Variants in AP3S1 observed in about 807,000 individuals in gnomAD.
AP3S1 encodes AP-3 complex subunit sigma-1.
AP3S1 carries 12 observed loss-of-function variants against 21.3 expected under a neutral mutation model. The observed-to-expected ratio is 0.56, with a 90% CI of 0.36 to 0.91. The LOEUF is 0.91. AP3S1 is among the 40% of genes least tolerant of loss of function. The pLI, the probability that AP3S1 is intolerant of heterozygous loss-of-function variation, is 0.01. For synonymous variants in AP3S1, 48 were observed against 78.4 expected (o/e 0.61, Z 2.05); for missense variants, 116 against 225.0 (o/e 0.52, Z 3.10).
chr5:115,876,084 G>A (rs1748688982), intron 3 of AP3S1, among the ~76,000 whole-genome samples: 2 of 152,140 alleles, frequency 1.3e-5, no homozygotes, highest in Non-Finnish European at 2.9e-5. Context: ...GAGTCAGGTA[G>A]TATGGATTTG....
chr5:115,858,864 C>G (rs1368863486), intron 1 of AP3S1, among the ~76,000 whole-genome samples: 1 of 150,178 alleles, frequency 6.7e-6, no homozygotes, highest in Non-Finnish European at 1.5e-5. Flanking sequence ...AAATTTTCTT[C>G]TTTTTACTTG....
chr5:115,895,029 A>T, intron 3 of AP3S1, 58 bp from the exon 4 acceptor site: 1 of 1,176,632 alleles, frequency 8.5e-7, no homozygotes, highest in East Asian at 2.5e-5. Flanking sequence ...CCTTCCTTAT[A>T]GATAATAGTT....
intron 1 of AP3S1, among the ~76,000 whole-genome samples, chr5:115,843,902 G>A (rs1032621430): frequency 1.3e-5 from 2 of 152,210 alleles, no homozygotes; most frequent in African/African-American, 4.8e-5. Context: ...GTTAATGTGG[G>A]AAGTGGCAGT....
At position 115,913,763 on chromosome 5, in the gene AP3S1, T is replaced by C. The variant is rs1752296548; in HGVS notation, c.*273T>C. Reference sequence around the variant, plus strand: ...TGCCCACCTACGGCATGCCTCTATGTATTGGCTACTACAGTGTTTTAAAAA... The same window carrying C: ...TGCCCACCTACGGCATGCCTCTATGCATTGGCTACTACAGTGTTTTAAAAA... On this transcript the variant is annotated 3_prime_UTR_variant, in exon 6 of 6. Coordinates refer to ENST00000316788, the MANE Select transcript of AP3S1 (RefSeq NM_001284.4). The C allele has an allele frequency of 2.3e-6, 1 of 432,136 alleles. No individual in the cohort carries two copies. The highest frequency in any genetic ancestry group is 2.0e-5 in the African/African-American group (1 of 50,076). 26.8% of individuals were successfully genotyped at this position (432,136 alleles called of 1,614,324 possible).
intron 5 of AP3S1, chr5:115,909,138 G>A (rs1375310565): frequency 7.0e-6 from 2 of 284,856 alleles, no homozygotes; most frequent in Non-Finnish European, 5.3e-6. Flanking sequence ...TTATGTCTTA[G>A]ATGAAATAAA....
chr5:115,853,060 A>G (rs1473989867), intron 1 of AP3S1: 1 of 452,378 alleles, frequency 2.2e-6, no homozygotes, highest in Admixed American at 2.4e-5. Context: ...ACTATATTCT[A>G]AAGTGACTGT....
chr5:115,887,602 GTTTTC>G (rs1320258679), intron 3 of AP3S1, among the ~76,000 whole-genome samples: 1 of 151,930 alleles, frequency 6.6e-6, no homozygotes. Context: ...TATATTGAGT[GTTTTC>G]TTTTGTGAGA....
intron 5 of AP3S1, among the ~76,000 whole-genome samples, chr5:115,908,478 T>C (rs553661120): frequency 1.2e-4 from 18 of 152,286 alleles, no homozygotes; most frequent in African/African-American, 4.3e-4. Flanking sequence ...TACACATTTG[T>C]CTTGTACTTC....
intron 5 of AP3S1, chr5:115,903,305 T>C (rs1249092175): frequency 5.8e-6 from 1 of 173,586 alleles, no homozygotes; most frequent in Non-Finnish European, 1.2e-5. Flanking sequence ...AAAACTTCAG[T>C]CGGTAATTAT....
At chr5:115,879,124 A>G (rs182276166) in intron 3 of AP3S1, among the ~76,000 whole-genome samples, 2 of 152,306 alleles carry the variant, frequency 1.3e-5, no homozygotes, top group East Asian at 3.9e-4. Flanking sequence ...TTCTAAATAT[A>G]CAATCATGTC....
intron 1 of AP3S1, among the ~76,000 whole-genome samples, chr5:115,856,419 A>G (rs1762803887): frequency 6.7e-6 from 1 of 148,610 alleles, no homozygotes; most frequent in Non-Finnish European, 1.5e-5. Context: ...AAGCTAGTTA[A>G]TACATCCAGC....
At chr5:115,871,847 A>G (rs577657676) in intron 3 of AP3S1, among the ~76,000 whole-genome samples, 2 of 152,144 alleles carry the variant, frequency 1.3e-5, no homozygotes, top group Non-Finnish European at 2.9e-5. Flanking sequence ...CTCCTAAAAT[A>G]TCTAGCACTT....
chr5:115,848,807 C>T (rs1002300544), intron 1 of AP3S1, among the ~76,000 whole-genome samples: 3 of 152,170 alleles, frequency 2.0e-5, no homozygotes, highest in Non-Finnish European at 4.4e-5. Context: ...CACCCATCTG[C>T]CTTTTCAGCT....
intron 1 of AP3S1, among the ~76,000 whole-genome samples, 163 bp from the exon 2 acceptor site, chr5:115,866,507 C>A (rs895393181): frequency 1.3e-5 from 2 of 151,828 alleles, no homozygotes; most frequent in African/African-American, 4.8e-5. Context: ...TCAAAAAATA[C>A]TGGGTTTTGC....
chr5:115,851,162 T>C (rs954437520), intron 1 of AP3S1, among the ~76,000 whole-genome samples: 2 of 152,224 alleles, frequency 1.3e-5, no homozygotes, highest in Non-Finnish European at 2.9e-5. Context: ...GGCCAGATCA[T>C]TTAAAAGGAC....
At chr5:115,882,059 A>G (rs1174833186) in intron 3 of AP3S1, among the ~76,000 whole-genome samples, 2 of 151,756 alleles carry the variant, frequency 1.3e-5, no homozygotes, top group Non-Finnish European at 2.9e-5. Flanking sequence ...CAGGTCATTT[A>G]TGTTCCTCTC....
chr5:115,863,270 G>A lies in AP3S1; in HGVS notation c.70-3400G>A, dbSNP rs566012016. Reference sequence around the variant, plus strand: ...AAATTAGCTGGGCATGGTGGTGGGCGCCTGTAATCCCAGCTACTTGGGAGG... The same window carrying A: ...AAATTAGCTGGGCATGGTGGTGGGCACCTGTAATCCCAGCTACTTGGGAGG... On this transcript the variant is annotated intron_variant, in intron 1 of 5. Transcript: ENST00000316788. Among the ~76,000 whole-genome samples the A allele has an allele frequency of 1.1e-4, 17 of 151,926 alleles. No individual in the cohort carries two copies. The South Asian group carries it at 3.1e-3, about 28-fold the overall frequency.
intron 5 of AP3S1, among the ~76,000 whole-genome samples, chr5:115,913,023 A>C (rs564984190): frequency 2.2e-4 from 33 of 152,284 alleles, no homozygotes; most frequent in South Asian, 1.7e-3. Flanking sequence ...AAGGAAACTA[A>C]TGTAAATCAT....
At chr5:115,864,610 C>T (rs1047684605) in intron 1 of AP3S1, among the ~76,000 whole-genome samples, 4 of 152,140 alleles carry the variant, frequency 2.6e-5, no homozygotes, top group Non-Finnish European at 5.9e-5. Context: ...TGCATTCCTG[C>T]TGAAGAAAAC....
Sources: allele counts gnomAD v4.1 joint callset (sites outside exome capture counted in the v4.1 genomes callset), GRCh38; gene constraint gnomAD v4.1.1; transcripts MANE v1.5; gene names NCBI Gene and HGNC (gene_info 2026-07-23, HGNC 2026-07-21).